GPC5: variants seen among roughly 807,000 people sequenced by gnomAD.
GPC5 encodes the protein glypican-5.
A neutral mutation model predicts 53.9 loss-of-function variants in GPC5; 47 were observed. That is an observed-to-expected ratio of 0.87 (90% CI 0.69 to 1.11). The LOEUF (loss-of-function observed/expected upper bound fraction) is 1.11. GPC5 is among the 50% of genes most tolerant of loss of function. The probability of loss-of-function intolerance (pLI) is 0.00; values close to 1 mark genes in which losing one functional copy is unlikely to be tolerated. For synonymous variants in GPC5, 286 were observed against 263.3 expected (o/e 1.09, Z -0.84); for missense variants, 748 against 713.1 (o/e 1.05, Z -0.56).
chr13:92,484,413 A>G (rs1175910351), intron 7 of GPC5, among the ~76,000 whole-genome samples: 1 of 152,230 alleles, frequency 6.6e-6, no homozygotes, highest in Non-Finnish European at 1.5e-5. Context: ...TAGCTTAGTC[A>G]TGTATTATCA....
intron 7 of GPC5, among the ~76,000 whole-genome samples, chr13:92,374,486 C>T (rs1461195066): frequency 2.0e-5 from 3 of 151,996 alleles, no homozygotes; most frequent in Admixed American, 2.0e-4. Context: ...GGAGCTTCCT[C>T]CTGGATAAAA....
At chr13:91,479,064 C>A (rs1001691754) in intron 2 of GPC5, among the ~76,000 whole-genome samples, 2 of 151,016 alleles carry the variant, frequency 1.3e-5, no homozygotes, top group African/African-American at 2.4e-5. Flanking sequence ...AGGTGCCTGC[C>A]ACCACGCCTG....
chr13:92,829,124 G>A lies in GPC5; in HGVS notation c.1562-37158G>A, dbSNP rs147840531. On this transcript the variant is annotated intron_variant, in intron 7 of 7. Transcript: ENST00000377067. The stretch of plus-strand genomic sequence containing the variant: ...GGAAACAGATGTAATGTATGTCTAC[G>A]CAAAGCACTGCAGCCATGCTCTCAA... 2.5e-3 allele frequency among the ~76,000 whole-genome samples: 388 copies of A among 152,190 alleles called. 2 individuals are homozygous for A. Among genetic ancestry groups the A allele is most frequent in the African/African-American group, 8.7e-3 (363 of 41,526 alleles).
chr13:91,922,522 T>C (rs1286699242), intron 6 of GPC5, among the ~76,000 whole-genome samples: 1 of 152,162 alleles, frequency 6.6e-6, no homozygotes, highest in African/African-American at 2.4e-5. Flanking sequence ...TAAAAGAAAA[T>C]TATTACGTTG....
At chr13:92,257,567 T>TTTTTTTTTTTTG (rs1555323586) in intron 7 of GPC5, among the ~76,000 whole-genome samples, 1 of 142,056 alleles carries the variant, frequency 7.0e-6, no homozygotes, top group African/African-American at 2.9e-5. Flanking sequence ...TTTTTTTTTT[T>TTTTTTTTTTTTG]GGGGACAGAG....
At chr13:91,832,249 T>C (rs1245316922) in intron 5 of GPC5, among the ~76,000 whole-genome samples, 1 of 152,002 alleles carries the variant, frequency 6.6e-6, no homozygotes, top group Admixed American at 6.6e-5. Flanking sequence ...TTTTAATCTT[T>C]GTTGGTTTAA....
intron 5 of GPC5, among the ~76,000 whole-genome samples, chr13:91,842,616 G>A: frequency 6.9e-6 from 1 of 144,692 alleles, no homozygotes; most frequent in Non-Finnish European, 1.5e-5. Flanking sequence ...GCAGGAGAAT[G>A]GCATGAACCT....
intron 2 of GPC5, among the ~76,000 whole-genome samples, chr13:91,506,456 T>C (rs1362361734): frequency 6.6e-6 from 1 of 152,110 alleles, no homozygotes; most frequent in African/African-American, 2.4e-5. Flanking sequence ...AGATATTTTA[T>C]CTTGATTGTC....
At chr13:92,507,958 T>C (rs1880432827) in intron 7 of GPC5, among the ~76,000 whole-genome samples, 1 of 152,138 alleles carries the variant, frequency 6.6e-6, no homozygotes, top group African/African-American at 2.4e-5. Context: ...ATTAATTTAA[T>C]TAATTAATTT....
intron 7 of GPC5, among the ~76,000 whole-genome samples, chr13:92,753,447 T>G (rs905255325): frequency 6.6e-6 from 1 of 152,190 alleles, no homozygotes; most frequent in Non-Finnish European, 1.5e-5. Flanking sequence ...AGGAATGCAG[T>G]TCCTCACCAG....
intron 2 of GPC5, among the ~76,000 whole-genome samples, chr13:91,549,470 C>A (rs2030497340): frequency 6.6e-6 from 1 of 152,032 alleles, no homozygotes; most frequent in Non-Finnish European, 1.5e-5. Context: ...AAACAAGCCT[C>A]AGACTGGGAG....
intron 7 of GPC5, among the ~76,000 whole-genome samples, chr13:92,751,623 G>C (rs1158196625): frequency 2.0e-5 from 3 of 151,026 alleles, no homozygotes; most frequent in Non-Finnish European, 4.4e-5. Context: ...GGGAGGGATA[G>C]CAGTAGAAGA....
At chr13:91,601,849 G>T (rs904844987) in intron 2 of GPC5, among the ~76,000 whole-genome samples, 4 of 152,146 alleles carry the variant, frequency 2.6e-5, no homozygotes, top group African/African-American at 9.7e-5. Flanking sequence ...TAAATGTAAT[G>T]CACTTAAATC....
At chr13:92,392,512 G>A (rs1249524997) in intron 7 of GPC5, among the ~76,000 whole-genome samples, 1 of 151,984 alleles carries the variant, frequency 6.6e-6, no homozygotes, top group Non-Finnish European at 1.5e-5. Context: ...TCATAACAAA[G>A]ACACCCAAAG....
At chr13:91,797,989 G>A (rs1177210669) in intron 5 of GPC5, among the ~76,000 whole-genome samples, 1 of 152,142 alleles carries the variant, frequency 6.6e-6, no homozygotes, top group Non-Finnish European at 1.5e-5. Context: ...GAAAGTACAG[G>A]TTAGGGAGAT....
At chr13:91,734,635 G>C (rs1171325742) in intron 4 of GPC5, among the ~76,000 whole-genome samples, 1 of 151,428 alleles carries the variant, frequency 6.6e-6, no homozygotes, top group South Asian at 2.1e-4. Flanking sequence ...CTTATGCAAG[G>C]TTCTTTCTCA....
intron 4 of GPC5, among the ~76,000 whole-genome samples, chr13:91,740,340 T>C (rs1361176505): frequency 6.6e-6 from 1 of 152,198 alleles, no homozygotes; most frequent in Non-Finnish European, 1.5e-5. Flanking sequence ...TCCCTGTTTT[T>C]CTATATTCAT....
intron 7 of GPC5, among the ~76,000 whole-genome samples, chr13:92,335,763 C>A (rs2043317985): frequency 6.6e-6 from 1 of 152,146 alleles, no homozygotes; most frequent in African/African-American, 2.4e-5. Flanking sequence ...GTGAACTTTC[C>A]TCCAGTTCCT....
chr13:92,458,187 T>C (rs1047002146), intron 7 of GPC5, among the ~76,000 whole-genome samples: 3 of 152,126 alleles, frequency 2.0e-5, no homozygotes, highest in Non-Finnish European at 2.9e-5. Flanking sequence ...GTTTTCTACA[T>C]GCCTAATTCA....
Sources: gnomAD v4.1 joint callset for allele counts (sites outside exome capture counted in the v4.1 genomes callset) on GRCh38, gnomAD v4.1.1 for gene constraint, MANE v1.5 for transcripts, NCBI Gene and HGNC (gene_info 2026-07-23, HGNC 2026-07-21) for gene names.